The following GRM5 variants were observed in gnomAD, a reference collection of about 807,000 sequenced individuals.
GRM5 encodes the protein glutamate metabotropic receptor 5.
A neutral mutation model predicts 83.1 loss-of-function variants in GRM5; 19 were observed. The ratio of observed to expected loss-of-function variants is 0.23; its 90% CI spans 0.16 to 0.34. The LOEUF is 0.34. Ranked by LOEUF, GRM5 falls within the 10% of genes least tolerant of loss-of-function variation. GRM5 has a pLI of 1.00. For synonymous variants in GRM5, 675 were observed against 633.6 expected (o/e 1.07, Z -0.98); for missense variants, 1,160 against 1,588.3 (o/e 0.73, Z 4.58).
intron 3 of GRM5, among the ~76,000 whole-genome samples, chr11:88,802,416 A>G (rs1287083081): frequency 1.3e-5 from 2 of 152,202 alleles, no homozygotes; most frequent in African/African-American, 4.8e-5. Flanking sequence ...AGAGGTCATT[A>G]TAATAAATGA....
At chr11:88,718,100 G>A (rs1468422601) in intron 3 of GRM5, among the ~76,000 whole-genome samples, 1 of 151,618 alleles carries the variant, frequency 6.6e-6, no homozygotes, top group Non-Finnish European at 1.5e-5. Context: ...CTAGCCCCTG[G>A]CTACCTTTCC....
intron 3 of GRM5, among the ~76,000 whole-genome samples, chr11:88,772,739 G>A (rs1000363370): frequency 6.6e-6 from 1 of 152,092 alleles, no homozygotes; most frequent in Non-Finnish European, 1.5e-5. Flanking sequence ...TGAGAATGAT[G>A]GTTTCCAGCT....
At chr11:88,626,235 T>C (rs1938792856) in intron 4 of GRM5, among the ~76,000 whole-genome samples, 1 of 152,238 alleles carries the variant, frequency 6.6e-6, no homozygotes, top group Admixed American at 6.5e-5. Flanking sequence ...TACATAGCTA[T>C]AGTATAGATA....
Position 88,650,056 on chromosome 11 carries a change from C to A in GRM5, c.1147+3112G>T, listed in dbSNP as rs577317350. On this transcript the variant is annotated intron_variant, in intron 4 of 9. Transcript: ENST00000305447. ...GTGATAAGAACCAACTTAAAATATTCTATATTAAACTAAGGACTCAGTTGG... is the reference window on the plus strand; with the variant it reads ...GTGATAAGAACCAACTTAAAATATTATATATTAAACTAAGGACTCAGTTGG... 2.0e-5 allele frequency among the ~76,000 whole-genome samples: 3 copies of A among 151,812 alleles called. No homozygotes were observed. The South Asian group carries it at 6.2e-4, about 32-fold the overall frequency.
At chr11:89,009,919 A>AAAAAAAAAAAAAAAAC (rs1940647190) in intron 2 of GRM5, among the ~76,000 whole-genome samples, 1 of 126,456 alleles carries the variant, frequency 7.9e-6, no homozygotes, top group African/African-American at 4.2e-5. Flanking sequence ...AAAAAAAAAA[A>AAAAAAAAAAAAAAAAC]AAAAAAAAAA....
At chr11:88,926,529 C>G (rs1416901006) in intron 2 of GRM5, among the ~76,000 whole-genome samples, 3 of 152,144 alleles carry the variant, frequency 2.0e-5, no homozygotes, top group Non-Finnish European at 4.4e-5. Context: ...CAGTCTTTAT[C>G]TCTTCACATA....
At chr11:88,669,137 C>T (rs971355494) in intron 3 of GRM5, among the ~76,000 whole-genome samples, 1 of 152,040 alleles carries the variant, frequency 6.6e-6, no homozygotes, top group African/African-American at 2.4e-5. Flanking sequence ...TAGATACACC[C>T]TAAATGTTCA....
chr11:88,851,937 G>A (rs1028770993), intron 2 of GRM5, among the ~76,000 whole-genome samples: 2 of 152,020 alleles, frequency 1.3e-5, no homozygotes, highest in African/African-American at 2.4e-5. Context: ...TGTGCCAAAG[G>A]GCCTAAATTA....
intron 2 of GRM5, among the ~76,000 whole-genome samples, chr11:88,930,959 G>T (rs1207205062): frequency 1.3e-5 from 2 of 151,918 alleles, no homozygotes; most frequent in Admixed American, 6.6e-5. Flanking sequence ...AAAAAAAAAT[G>T]GGAGATTGTA....
rs551184465 is a variant in GRM5, at chr11:88,720,365, G to A, written c.912-66962C>T. On this transcript the variant is annotated intron_variant, in intron 3 of 9. Transcript: ENST00000305447. ...TATGTTTTCCCTTGCAGACAATTAA[G>A]TGAAGGTGGAAGTAAGCATCATTTT... Among the ~76,000 whole-genome samples the A allele has an allele frequency of 2.0e-5, 3 of 152,112 alleles. 1 individual carries two copies. The highest frequency in any genetic ancestry group is 7.2e-5 in the African/African-American group (3 of 41,534).
chr11:88,651,305 A>G (rs1420420385), intron 4 of GRM5, among the ~76,000 whole-genome samples: 1 of 152,080 alleles, frequency 6.6e-6, no homozygotes, highest in Non-Finnish European at 1.5e-5. Context: ...GAAATTAATA[A>G]AGAAAGAGGG....
At chr11:88,613,929 G>C (rs547534077) in intron 4 of GRM5, among the ~76,000 whole-genome samples, 1 of 152,214 alleles carries the variant, frequency 6.6e-6, no homozygotes, top group South Asian at 2.1e-4. Flanking sequence ...TCCCAGGTCA[G>C]TCTTATAACC....
chr11:88,607,333 C>T (rs1280578048), intron 4 of GRM5, among the ~76,000 whole-genome samples: 1 of 152,180 alleles, frequency 6.6e-6, no homozygotes, highest in Non-Finnish European at 1.5e-5. Context: ...TTCATACCTT[C>T]ACAACTCTTA....
Position 89,065,271 on chromosome 11 carries a change from G to A in GRM5, c.-201+505C>T, listed in dbSNP as rs1047735773. 1.2e-4 allele frequency among the ~76,000 whole-genome samples: 17 copies of A among 147,488 alleles called. 1 individual carries two copies. The highest frequency in any genetic ancestry group is 4.3e-4 in the African/African-American group (17 of 39,896). On this transcript the variant is annotated intron_variant, in intron 1 of 9. Transcript: ENST00000305447. ...CTCTTCCTAAATCCTTGCCTTTCGT[G>A]CACATGTATTGGCATCACACACACA...
At chr11:88,775,441 C>T (rs559119579) in intron 3 of GRM5, among the ~76,000 whole-genome samples, 105 of 152,284 alleles carry the variant, frequency 6.9e-4, no homozygotes, top group African/African-American at 2.5e-3. Context: ...CTATCTCCTT[C>T]AGTTCTGCTC....
intron 7 of GRM5, among the ~76,000 whole-genome samples, chr11:88,569,525 A>T (rs1447096118): frequency 6.6e-6 from 1 of 152,244 alleles, no homozygotes; most frequent in African/African-American, 2.4e-5. Flanking sequence ...TAACATGTAC[A>T]CAGAGGATTC....
chr11:88,618,541 C>T (rs1938545258), intron 4 of GRM5, among the ~76,000 whole-genome samples: 1 of 151,606 alleles, frequency 6.6e-6, no homozygotes, highest in Non-Finnish European at 1.5e-5. Context: ...TGAGTACTTA[C>T]TGCATGTCAG....
At chr11:89,001,567 A>G (rs1298450741) in intron 2 of GRM5, among the ~76,000 whole-genome samples, 1 of 152,078 alleles carries the variant, frequency 6.6e-6, no homozygotes, top group Non-Finnish European at 1.5e-5. Flanking sequence ...TAGGGAAGTG[A>G]ATGCTCTAAA....
chr11:88,682,648 T>C (rs1940523954), intron 3 of GRM5, among the ~76,000 whole-genome samples: 1 of 152,148 alleles, frequency 6.6e-6, no homozygotes, highest in Admixed American at 6.6e-5. Flanking sequence ...TCCTCCCTTC[T>C]CTCAATAATG....
Sources: gnomAD v4.1 joint callset for allele counts (sites outside exome capture counted in the v4.1 genomes callset) on GRCh38, gnomAD v4.1.1 for gene constraint, MANE v1.5 for transcripts, NCBI Gene and HGNC (gene_info 2026-07-23, HGNC 2026-07-21) for gene names.